The following SERINC5 variants were observed in gnomAD, a reference collection of about 807,000 sequenced individuals.
The protein encoded by SERINC5 is chromosome 5 open reading frame 12.
Under a neutral mutation model 63.1 loss-of-function variants are expected in SERINC5, and 41 were observed. That is an observed-to-expected ratio of 0.65 (90% CI 0.51 to 0.84). SERINC5 has a LOEUF of 0.84. Ranked by LOEUF, SERINC5 falls within the 40% of genes least tolerant of loss-of-function variation. SERINC5 has a pLI of 0.00. For missense variants in SERINC5, 523 were observed against 573.0 expected (o/e 0.91, Z 0.89); for synonymous variants, 222 against 215.2 (o/e 1.03, Z -0.28).
intron 1 of SERINC5, among the ~76,000 whole-genome samples, chr5:80,207,481 C>T (rs985150781): frequency 1.3e-5 from 2 of 152,286 alleles, no homozygotes; most frequent in East Asian, 3.9e-4. Context: ...TCACTGTGAG[C>T]CTAATTGGAA....
chr5:80,180,300 G>C (rs1471714952), intron 2 of SERINC5, among the ~76,000 whole-genome samples: 1 of 151,948 alleles, frequency 6.6e-6, no homozygotes, highest in Non-Finnish European at 1.5e-5. Context: ...CTTCTGAACA[G>C]AAAATAAATC....
intron 1 of SERINC5, among the ~76,000 whole-genome samples, chr5:80,206,494 C>T (rs146216239): frequency 4.9e-4 from 74 of 152,284 alleles, no homozygotes; most frequent in African/African-American, 1.7e-3. Context: ...ATTTTCCAAG[C>T]CAGCTTCCTC....
At chr5:80,229,341 A>ATTTTTTT (rs59664490) in intron 1 of SERINC5, among the ~76,000 whole-genome samples, 7 of 120,226 alleles carry the variant, frequency 5.8e-5, no homozygotes, top group African/African-American at 2.2e-4. Flanking sequence ...TACTTACACA[A>ATTTTTTT]TTTTTTTTTT....
At chr5:80,193,965 C>T (rs773854197) in intron 2 of SERINC5, among the ~76,000 whole-genome samples, 22 of 152,144 alleles carry the variant, frequency 1.4e-4, no homozygotes. Flanking sequence ...AAGCCAGCTC[C>T]CCAGAGGAAA....
At chr5:80,244,578 C>T (rs972584121) in intron 1 of SERINC5, among the ~76,000 whole-genome samples, 4 of 151,782 alleles carry the variant, frequency 2.6e-5, no homozygotes, top group Middle Eastern at 3.4e-3. Context: ...CGTCTGTAAT[C>T]CCAGCACTTT....
At chr5:80,120,108 A>G (rs902140543) in intron 11 of SERINC5, among the ~76,000 whole-genome samples, 5 of 152,174 alleles carry the variant, frequency 3.3e-5, no homozygotes, top group African/African-American at 4.8e-5. Context: ...TGTTAATTCA[A>G]TGATAATTAT....
chr5:80,199,310 C>T (rs959468413), intron 2 of SERINC5, among the ~76,000 whole-genome samples: 1 of 152,162 alleles, frequency 6.6e-6, no homozygotes, highest in African/African-American at 2.4e-5. Context: ...TTCAGTTTCC[C>T]CATCTGTAGG....
chr5:80,171,981 T>C (rs759213706), intron 5 of SERINC5, among the ~76,000 whole-genome samples: 2 of 152,132 alleles, frequency 1.3e-5, no homozygotes, highest in Non-Finnish European at 2.9e-5. Context: ...CTATATAACA[T>C]ATATGTATCA....
chr5:80,201,653 C>G (rs1444651464), intron 2 of SERINC5, among the ~76,000 whole-genome samples: 1 of 152,232 alleles, frequency 6.6e-6, no homozygotes, highest in Non-Finnish European at 1.5e-5. Flanking sequence ...ATCCCCACCA[C>G]AGTCCCCTGT....
chr5:80,255,516 C>T (rs1371759809), intron 1 of SERINC5, among the ~76,000 whole-genome samples: 1 of 152,158 alleles, frequency 6.6e-6, no homozygotes, highest in Non-Finnish European at 1.5e-5. Flanking sequence ...ACTTTTCTTC[C>T]TGGATTCATC....
intron 1 of SERINC5, among the ~76,000 whole-genome samples, chr5:80,237,478 T>C (rs879306924): frequency 2.0e-5 from 3 of 151,856 alleles, no homozygotes; most frequent in African/African-American, 7.3e-5. Flanking sequence ...GCACTACAAG[T>C]GCACGCCACC....
intron 2 of SERINC5, among the ~76,000 whole-genome samples, chr5:80,192,321 G>C (rs1749238378): frequency 6.6e-6 from 1 of 152,142 alleles, no homozygotes; most frequent in Non-Finnish European, 1.5e-5. Context: ...CTGCGGTCCA[G>C]CTGTCCCAAC....
intron 1 of SERINC5, among the ~76,000 whole-genome samples, chr5:80,246,202 G>A (rs958985758): frequency 6.6e-6 from 1 of 151,998 alleles, no homozygotes; most frequent in African/African-American, 2.4e-5. Context: ...CCCTAGTTGG[G>A]GTGAACCACA....
intron 1 of SERINC5, among the ~76,000 whole-genome samples, chr5:80,223,319 T>C (rs923038000): frequency 6.6e-6 from 1 of 152,200 alleles, no homozygotes; most frequent in East Asian, 1.9e-4. Flanking sequence ...AATCTATGCA[T>C]ATCCTCCTAT....
chr5:80,180,920 T>C (rs1215273655), intron 2 of SERINC5, among the ~76,000 whole-genome samples: 1 of 152,196 alleles, frequency 6.6e-6, no homozygotes, highest in Non-Finnish European at 1.5e-5. Flanking sequence ...AGACCTAAAG[T>C]TACAGCTGAC....
chr5:80,187,858 G>A (rs1327339514), intron 2 of SERINC5, among the ~76,000 whole-genome samples: 2 of 152,120 alleles, frequency 1.3e-5, no homozygotes, highest in South Asian at 2.1e-4. Context: ...TAAGCAAACC[G>A]TTATACAATA....
rs759750207 is a variant in SERINC5, at chr5:80,169,543, T to A, written c.555A>T (p.Thr185=). ...EFAHKWNKNW[T]AGTASNKLWY... is the part of the protein sequence containing the mutation. ...ACAGCTTGTTACTGGCTGTGCCTGC[T>A]GTCCTGTTTCTCCGGGAAGTGGGTA... The change falls in exon 6 of 12, where the codon ACA becomes ACT. Residue 185 remains threonine (T), a synonymous_variant. Transcript: ENST00000507668. 15 of 1,611,814 alleles carry A rather than the reference T, an allele frequency of 9.3e-6. No homozygotes were observed. The highest frequency in any genetic ancestry group is 1.3e-5 in the Non-Finnish European group (15 of 1,178,944).
At chr5:80,171,975 A>G (rs1747697085) in intron 5 of SERINC5, among the ~76,000 whole-genome samples, 1 of 152,238 alleles carries the variant, frequency 6.6e-6, no homozygotes, top group Non-Finnish European at 1.5e-5. Flanking sequence ...TGATTACTAT[A>G]TAACATATAT....
At chr5:80,219,947 G>A (rs1047771016) in intron 1 of SERINC5, among the ~76,000 whole-genome samples, 4 of 151,992 alleles carry the variant, frequency 2.6e-5, no homozygotes, top group Admixed American at 1.3e-4. Context: ...GGTGGCTCAC[G>A]CCTGTAATCC....
Sources: gnomAD v4.1 joint callset for allele counts (sites outside exome capture counted in the v4.1 genomes callset) on GRCh38, gnomAD v4.1.1 for gene constraint, MANE v1.5 for transcripts, NCBI Gene and HGNC (gene_info 2026-07-23, HGNC 2026-07-21) for gene names.